MED12L: variants seen among roughly 807,000 people sequenced by gnomAD.
MED12L encodes mediator of RNA polymerase II transcription subunit 12-like protein.
A neutral mutation model predicts 281.3 loss-of-function variants in MED12L; 60 were observed. That is an observed-to-expected ratio of 0.21 (90% CI 0.17 to 0.26). The LOEUF (loss-of-function observed/expected upper bound fraction) is 0.26, where lower values mean the gene tolerates loss of function less well. Among genes scored for constraint, MED12L ranks in the 10% least tolerant of loss-of-function variants. The probability of loss-of-function intolerance (pLI) is 1.00; values close to 1 mark genes in which losing one functional copy is unlikely to be tolerated. For missense variants in MED12L, 2,146 were observed against 2,680.9 expected (o/e 0.80, Z 4.41); for synonymous variants, 974 against 987.2 (o/e 0.99, Z 0.25).
At chr3:151,270,276 T>G (rs1484897241) in intron 16 of MED12L, 1 of 152,644 alleles carries the variant, frequency 6.6e-6, no homozygotes, top group Admixed American at 6.7e-5. Context: ...GTTCTTGAGG[T>G]CTTTTTTTCT....
At chr3:151,086,140 C>T (rs1319629743) in intron 1 of MED12L, among the ~76,000 whole-genome samples, 1 of 152,174 alleles carries the variant, frequency 6.6e-6, no homozygotes, top group Non-Finnish European at 1.5e-5. Context: ...CCCCCTCCAG[C>T]CGCCGCGACC....
intron 20 of MED12L, 86 bp downstream of exon 20, chr3:151,357,462 A>G (rs1560072074): frequency 3.0e-5 from 35 of 1,177,480 alleles, no homozygotes; most frequent in Non-Finnish European, 3.5e-5. Flanking sequence ...TAAAAGAAAA[A>G]TAGTACTGAT....
intron 43 of MED12L, among the ~76,000 whole-genome samples, chr3:151,423,982 T>G (rs1718569751): frequency 3.3e-5 from 5 of 152,214 alleles, no homozygotes; most frequent in Admixed American, 2.6e-4. Context: ...TTACATTAAA[T>G]TTTAGTCAGT....
intron 16 of MED12L, among the ~76,000 whole-genome samples, chr3:151,281,083 A>G (rs1287098816): frequency 6.6e-6 from 1 of 151,962 alleles, no homozygotes; most frequent in Non-Finnish European, 1.5e-5. Context: ...CTATCTTCAT[A>G]TGTTTTTGAA....
At position 151,219,388 on chromosome 3, in the gene MED12L, G is replaced by A. The variant is rs1032724476; in HGVS notation, c.2250+25722G>A. 1.3e-5 allele frequency: 2 copies of A among 152,138 alleles called. 1 individual carries two copies. The highest frequency in any genetic ancestry group is 1.3e-4 in the Admixed American group (2 of 15,274). The allele number at this position is 152,138 out of a possible 1,614,324, so 9.4% of individuals were successfully genotyped here. A position where few individuals can be genotyped will look rare whatever the true frequency, so the allele number is the denominator to read the frequency against. On this transcript the variant is annotated intron_variant, in intron 16 of 44. Transcript: ENST00000687756. ...ACTCATCTGTGTAATTATATACCAT[G>A]ACCTATTTTCCTCTTGTATTAGAAC...
chr3:151,235,246 C>T (rs1732492752), intron 16 of MED12L, among the ~76,000 whole-genome samples: 1 of 152,192 alleles, frequency 6.6e-6, no homozygotes, highest in Non-Finnish European at 1.5e-5. Context: ...TCCTCAGTCT[C>T]ATTAAATTGT....
chr3:151,317,560 C>T (rs977220035), intron 16 of MED12L, among the ~76,000 whole-genome samples: 6 of 143,560 alleles, frequency 4.2e-5, no homozygotes, highest in African/African-American at 1.3e-4. Context: ...AAGTGATTCT[C>T]CTGCCTCAGC....
intron 16 of MED12L, chr3:151,294,285 A>G: frequency 6.2e-7 from 1 of 1,613,974 alleles, no homozygotes; most frequent in Non-Finnish European, 8.5e-7. Context: ...CTTCTTGAAA[A>G]TGACCTACAC....
intron 43 of MED12L, among the ~76,000 whole-genome samples, chr3:151,419,523 A>G (rs2108412377): frequency 6.6e-6 from 1 of 152,246 alleles, no homozygotes; most frequent in East Asian, 1.9e-4. Context: ...TCCCCATCGC[A>G]CTGACTCAAA....
intron 5 of MED12L, among the ~76,000 whole-genome samples, chr3:151,152,652 C>T (rs1718714494): frequency 6.6e-6 from 1 of 152,186 alleles, no homozygotes; most frequent in Non-Finnish European, 1.5e-5. Context: ...CTAAGTGACT[C>T]ATCCTTACAG....
chr3:151,132,299 C>T (rs1308013588), intron 5 of MED12L, among the ~76,000 whole-genome samples: 1 of 152,146 alleles, frequency 6.6e-6, no homozygotes, highest in Non-Finnish European at 1.5e-5. Context: ...CTCCAGACAT[C>T]AGTCTTTTCA....
chr3:151,363,984 A>G (rs1204838323), intron 21 of MED12L, among the ~76,000 whole-genome samples: 2 of 152,154 alleles, frequency 1.3e-5, no homozygotes, highest in Non-Finnish European at 2.9e-5. Context: ...CATTGATGCA[A>G]GTATATAACA....
intron 16 of MED12L, chr3:151,213,334 C>T (rs1286694741): frequency 1.9e-6 from 3 of 1,612,174 alleles, no homozygotes; most frequent in Non-Finnish European, 2.5e-6. Context: ...TGTTGTATTT[C>T]CTCTTTTGAT....
intron 16 of MED12L, among the ~76,000 whole-genome samples, chr3:151,266,308 C>T (rs1027705685): frequency 1.3e-5 from 2 of 152,186 alleles, no homozygotes; most frequent in Admixed American, 6.5e-5. Flanking sequence ...AAAATGTTAA[C>T]AAATTTGTGA....
rs1272896191 is a variant in MED12L, at chr3:151,378,154, G to C, written c.4459G>C (p.Asp1487His). ...GGGTTCTTCTTCCAAAAAGGAAAGG[G>C]ACAGACAGAAACAGAAAAGGTGTGG... ...HLGSSSKKER[D>H]RQKQKSMSLL... The change falls in exon 31 of 45, where the codon GAC becomes CAC. Residue 1487 changes from aspartate (D) to histidine (H), a missense_variant. Asp to His is a moderately conservative substitution (Grantham distance 81, BLOSUM62 -1). Around this residue, in one of 9 missense-constraint regions of MED12L, gnomAD observed 212 missense variants for 340.8 expected, o/e 0.62. Transcript: ENST00000687756. 6.2e-7 allele frequency: 1 copy of C among 1,609,480 alleles called. No individual in the cohort carries two copies. Among genetic ancestry groups the C allele is most frequent in the Non-Finnish European group, 8.5e-7 (1 of 1,177,464 alleles).
chr3:151,215,676 A>G (rs1728068935), intron 16 of MED12L, among the ~76,000 whole-genome samples: 1 of 152,196 alleles, frequency 6.6e-6, no homozygotes, highest in South Asian at 2.1e-4. Flanking sequence ...ATATATCGGA[A>G]CAGATGTTTA....
At chr3:151,260,331 T>C (rs927899742) in intron 16 of MED12L, among the ~76,000 whole-genome samples, 5 of 152,256 alleles carry the variant, frequency 3.3e-5, no homozygotes, top group African/African-American at 7.2e-5. Flanking sequence ...TCTACTAATA[T>C]CTTTTAAAAG....
intron 27 of MED12L, 104 bp downstream of exon 27, chr3:151,372,870 T>A (rs1756365477): frequency 1.3e-5 from 10 of 778,588 alleles, no homozygotes; most frequent in Middle Eastern, 3.6e-4. Context: ...CCTTTTTTTC[T>A]TGCTCACTTT....
chr3:151,293,558 G>A (rs1460069755), intron 16 of MED12L, among the ~76,000 whole-genome samples: 1 of 131,320 alleles, frequency 7.6e-6, no homozygotes, highest in Non-Finnish European at 1.5e-5. Context: ...GACACAGAGG[G>A]TCCTAAAATG....
Sources: gnomAD v4.1 joint callset for allele counts (sites outside exome capture counted in the v4.1 genomes callset) on GRCh38, gnomAD v4.1.1 for gene constraint, gnomAD v4.1.1 regional missense constraint, MANE v1.5 for transcripts, NCBI Gene and HGNC (gene_info 2026-07-23, HGNC 2026-07-21) for gene names.